The following ZNF232 variants were observed in gnomAD, a reference collection of about 807,000 sequenced individuals.
The protein encoded by ZNF232 is zinc finger and SCAN domain-containing protein 11.
Under a neutral mutation model 25.2 loss-of-function variants are expected in ZNF232, and 25 were observed. That is an observed-to-expected ratio of 0.99 (90% CI 0.72 to 1.39). ZNF232 has a LOEUF of 1.39. Among genes scored for constraint, ZNF232 ranks in the 40% most tolerant of loss-of-function variants. The pLI is 0.00. For missense variants in ZNF232, 519 were observed against 520.9 expected (o/e 1.00, Z 0.04); for synonymous variants, 193 against 182.9 (o/e 1.06, Z -0.45).
intron 1 of ZNF232, 56 bp from the exon 2 acceptor site, chr17:5,109,924 C>T: frequency 1.3e-6 from 2 of 1,497,392 alleles, no homozygotes; most frequent in African/African-American, 1.4e-5. Flanking sequence ...GAGTCTTTCT[C>T]TGTTACCCAG....
At chr17:5,119,140 C>T (rs2143695737) in intron 1 of ZNF232, among the ~76,000 whole-genome samples, 1 of 152,262 alleles carries the variant, frequency 6.6e-6, no homozygotes, top group South Asian at 2.1e-4. Flanking sequence ...AGCCACACTC[C>T]AATCACCCCT....
At chr17:5,115,594 G>C (rs575884658), upstream of ZNF232, among the ~76,000 whole-genome samples, 29 of 128,088 alleles carry the variant, frequency 2.3e-4, no homozygotes, top group East Asian at 0.011. Context: ...AAACGGAACA[G>C]AGGCAGTTCT....
chr17:5,109,593 A>G (rs1267922909), exon 2 of ZNF232: 3 of 1,614,046 alleles, frequency 1.9e-6, no homozygotes, highest in Non-Finnish European at 2.5e-6. Context: ...GAGTACTCGT[A>G]GTTGGCTCAA....
chr17:5,114,385 CTT>C (rs1203906207), upstream of ZNF232: 1 of 152,324 alleles, frequency 6.6e-6, no homozygotes, highest in East Asian at 1.9e-4. Context: ...GATTACAAGT[CTT>C]TGAACATTCA....
At chr17:5,121,244 G>A (rs2072655154) in intron 1 of ZNF232, 3 of 377,426 alleles carry the variant, frequency 7.9e-6, no homozygotes, top group Admixed American at 3.1e-5. Flanking sequence ...GGGTGCAGAG[G>A]GTCTTTGTGT....
At chr17:5,105,868 T>A in exon 4 of ZNF232, 1 of 1,612,038 alleles carries the variant, frequency 6.2e-7, no homozygotes, top group Non-Finnish European at 8.5e-7. Context: ...CGATGTCTAA[T>A]GAGCTCTGAG....
intron 1 of ZNF232, among the ~76,000 whole-genome samples, chr17:5,121,960 A>G (rs935521955): frequency 1.3e-5 from 2 of 152,116 alleles, no homozygotes; most frequent in African/African-American, 4.8e-5. Context: ...CACGTAGGCA[A>G]TGGGGAGCCA....
chr17:5,108,803 T>A, intron 3 of ZNF232, 123 bp downstream of exon 3: 1 of 1,464,058 alleles, frequency 6.8e-7, no homozygotes, highest in East Asian at 2.3e-5. Context: ...ATAAGAATAG[T>A]AAGGCTGTGA....
upstream of ZNF232, chr17:5,111,866 G>A (rs765256274): frequency 1.2e-6 from 2 of 1,612,366 alleles, no homozygotes; most frequent in African/African-American, 1.3e-5. Context: ...CCTCACCCCA[G>A]GGGCAGGTTT....
rs867426282 is a variant in ZNF232 at position 5,110,058 on chromosome 17, T to C, written c.24-190A>G. On this transcript the variant is annotated intron_variant, in intron 1 of 3. Coordinates refer to ENST00000575898, the Ensembl canonical transcript of ZNF232. ...GCGCCTGCCACCACATCCAGCTAAT[T>C]TTTTTGTATTTTTAGTAGGGACGGG... Among the ~76,000 whole-genome samples the C allele has an allele frequency of 2.6e-5, 4 of 151,990 alleles. No homozygotes were observed. In the South Asian group the frequency reaches 6.2e-4, roughly 24 times the overall value.
In ZNF232 at chr17:5,122,980, A is replaced by G. The variant is rs1414811623; in HGVS notation, c.-533T>C. ...AGTCGGCGAGTTGGAAACTTACTGC[A>G]ATCGTCCTCTCGTAGCCTTGGGCGT... On this transcript the variant is annotated 5_prime_UTR_variant, in exon 1 of 5. Transcript: ENST00000250076. 5 of 152,800 alleles carry G rather than the reference A, an allele frequency of 3.3e-5. No individual in the cohort carries two copies. The East Asian group carries it at 7.7e-4, about 24-fold the overall frequency. The allele number at this position is 152,800 out of a possible 1,614,324, so 9.5% of individuals were successfully genotyped here.
At chr17:5,118,772 G>A (rs947771858) in intron 1 of ZNF232, among the ~76,000 whole-genome samples, 2 of 152,140 alleles carry the variant, frequency 1.3e-5, no homozygotes, top group Non-Finnish European at 2.9e-5. Flanking sequence ...TAGAGAGGGG[G>A]TAGAAAGGGC....
chr17:5,117,020 G>GT (rs1006562915), intron 1 of ZNF232, among the ~76,000 whole-genome samples: 3 of 152,192 alleles, frequency 2.0e-5, no homozygotes, highest in Non-Finnish European at 4.4e-5. Flanking sequence ...GGAAGGAAAG[G>GT]TAAGTACTTT....
At chr17:5,109,769 C>A (rs745630475) in exon 2 of ZNF232, 21 of 1,614,104 alleles carry the variant, frequency 1.3e-5, no homozygotes, top group Non-Finnish European at 1.7e-5. Flanking sequence ...CCTGTGTACC[C>A]TGAAGGGCCA....
chr17:5,109,693 G>A (rs763465991), exon 2 of ZNF232: 1 of 1,614,034 alleles, frequency 6.2e-7, no homozygotes, highest in African/African-American at 1.3e-5. Flanking sequence ...TTCCCAGGTA[G>A]CCTGGTCTCA....
At chr17:5,120,844 T>C in intron 1 of ZNF232, 1 of 454,412 alleles carries the variant, frequency 2.2e-6, no homozygotes, top group Non-Finnish European at 4.4e-6. Context: ...TGCTGCATGC[T>C]GGTGCAGCTG....
At chr17:5,107,108 G>C (rs565276958) in intron 3 of ZNF232, among the ~76,000 whole-genome samples, 2 of 152,044 alleles carry the variant, frequency 1.3e-5, no homozygotes, top group South Asian at 4.2e-4. Context: ...AGAGTGTGTT[G>C]CCGGGCGTGG....
intron 2 of ZNF232, 159 bp downstream of exon 2, chr17:5,109,235 G>A (rs1475990203): frequency 5.2e-5 from 63 of 1,221,022 alleles, no homozygotes; most frequent in Non-Finnish European, 6.8e-5. Context: ...TTCTCATTCA[G>A]GGCTCGAGGG....
upstream of ZNF232, among the ~76,000 whole-genome samples, chr17:5,113,008 G>C (rs537069790): frequency 1.3e-5 from 2 of 152,284 alleles, no homozygotes; most frequent in South Asian, 4.1e-4. Flanking sequence ...AATTTTGCAG[G>C]ATATTGATTG....
Sources: gnomAD v4.1 joint callset for allele counts (sites outside exome capture counted in the v4.1 genomes callset) on GRCh38, gnomAD v4.1.1 for gene constraint, MANE v1.5 for transcripts, NCBI Gene and HGNC (gene_info 2026-07-23, HGNC 2026-07-21) for gene names.